BICD1: variants seen among roughly 807,000 people sequenced by gnomAD.
BICD1 encodes the protein protein bicaudal D homolog 1.
BICD1 carries 35 observed loss-of-function variants against 92.5 expected under a neutral mutation model. That is an observed-to-expected ratio of 0.38 (90% CI 0.29 to 0.50). The LOEUF is 0.50. Ranked by LOEUF, BICD1 falls within the 20% of genes least tolerant of loss-of-function variation. BICD1 has a pLI of 0.93. For missense variants in BICD1, 950 were observed against 1,189.8 expected (o/e 0.80, Z 2.97); for synonymous variants, 429 against 465.1 (o/e 0.92, Z 1.00).
rs530528407 is a variant in BICD1 at position 32,239,292 on chromosome 12, C to T, written c.426+22833C>T. Among the ~76,000 whole-genome samples the T allele has an allele frequency of 7.4e-5, 11 of 147,744 alleles. No homozygotes were observed. The East Asian group carries it at 1.0e-3, about 14-fold the overall frequency. On this transcript the variant is annotated intron_variant, in intron 2 of 9. Coordinates refer to ENST00000652176, the MANE Select transcript of BICD1 (RefSeq NM_001714.4). ...AAAAGAAAGGAAATTGTTGGCCGGG[C>T]GCTGTGGCTTACGCCTGTAATCCCA...
chr12:32,300,631 ATTTTTTTTTTTTTTT>A (rs34219566), intron 3 of BICD1, among the ~76,000 whole-genome samples: 14 of 80,594 alleles, frequency 1.7e-4, no homozygotes, highest in Admixed American at 1.6e-3. Context: ...ACTTTACAGT[ATTTTTTTTTTTTTTT>A]TTTTTTTTTT....
intron 1 of BICD1, among the ~76,000 whole-genome samples, chr12:32,192,011 A>G (rs1227667837): frequency 1.3e-5 from 2 of 152,208 alleles, no homozygotes; most frequent in Non-Finnish European, 2.9e-5. Context: ...GAAATGTAGA[A>G]ATGATTAAGC....
intron 2 of BICD1, among the ~76,000 whole-genome samples, chr12:32,234,830 A>G (rs1391747776): frequency 6.6e-6 from 1 of 151,778 alleles, no homozygotes; most frequent in African/African-American, 2.4e-5. Context: ...GACTACAGCC[A>G]TGTGCCATCA....
chr12:32,309,817 A>C (rs890558627), intron 4 of BICD1, among the ~76,000 whole-genome samples: 2 of 152,122 alleles, frequency 1.3e-5, no homozygotes, highest in Non-Finnish European at 2.9e-5. Context: ...TCTAGGGTAC[A>C]TGTGCACAAT....
At chr12:32,289,569 A>G (rs1269131220) in intron 2 of BICD1, among the ~76,000 whole-genome samples, 1 of 152,194 alleles carries the variant, frequency 6.6e-6, no homozygotes, top group Non-Finnish European at 1.5e-5. Flanking sequence ...TATTCTTAGT[A>G]GAGACAGGGT....
intron 5 of BICD1, among the ~76,000 whole-genome samples, chr12:32,329,627 C>T (rs570268229): frequency 6.6e-6 from 1 of 152,240 alleles, no homozygotes; most frequent in South Asian, 2.1e-4. Context: ...ATGAGCTCTA[C>T]CTGTGCTACT....
chr12:32,364,540 T>C (rs1049717047), intron 8 of BICD1, among the ~76,000 whole-genome samples: 8 of 152,260 alleles, frequency 5.3e-5, no homozygotes, highest in African/African-American at 1.9e-4. Context: ...CAGAGCAATG[T>C]AGCTACATTT....
At chr12:32,307,267 A>C (rs761349933) in intron 4 of BICD1, among the ~76,000 whole-genome samples, 2 of 152,222 alleles carry the variant, frequency 1.3e-5, no homozygotes, top group African/African-American at 2.4e-5. Context: ...GAACAGGTAT[A>C]ATCTAAGACC....
chr12:32,137,672 TA>T (rs1942778465), intron 1 of BICD1, among the ~76,000 whole-genome samples: 1 of 152,216 alleles, frequency 6.6e-6, no homozygotes, highest in Non-Finnish European at 1.5e-5. Flanking sequence ...TCAGTTTGAT[TA>T]AATGCCTCCT....
chr12:32,358,315 G>C (rs772997544), intron 8 of BICD1, among the ~76,000 whole-genome samples: 1 of 151,832 alleles, frequency 6.6e-6, no homozygotes, highest in African/African-American at 2.4e-5. Flanking sequence ...TGGCCAGGCT[G>C]GTCTTGAACT....
intron 1 of BICD1, among the ~76,000 whole-genome samples, chr12:32,206,070 T>C (rs1488246880): frequency 6.6e-6 from 1 of 152,204 alleles, no homozygotes; most frequent in Non-Finnish European, 1.5e-5. Flanking sequence ...AGTATTCCAT[T>C]GTATGGATAT....
chr12:32,181,085 TG>T (rs1944259432), intron 1 of BICD1, among the ~76,000 whole-genome samples: 2 of 152,014 alleles, frequency 1.3e-5, no homozygotes, highest in Non-Finnish European at 2.9e-5. Context: ...TTTTGGCATT[TG>T]GAGACATGCA....
intron 2 of BICD1, among the ~76,000 whole-genome samples, chr12:32,264,602 C>T (rs1009894745): frequency 1.2e-4 from 19 of 152,156 alleles, no homozygotes; most frequent in African/African-American, 4.6e-4. Flanking sequence ...ATTCTCCTGC[C>T]TCAGCCTCCC....
At chr12:32,149,267 T>TTTC (rs1433151113) in intron 1 of BICD1, among the ~76,000 whole-genome samples, 26 of 106,756 alleles carry the variant, frequency 2.4e-4, no homozygotes, top group Non-Finnish European at 9.9e-5. Flanking sequence ...CATCAATGAT[T>TTTC]TTCTCTGTGA....
At chr12:32,181,062 AACTT>A (rs1944258980) in intron 1 of BICD1, among the ~76,000 whole-genome samples, 1 of 151,856 alleles carries the variant, frequency 6.6e-6, no homozygotes, top group Non-Finnish European at 1.5e-5. Context: ...ACCAGAAATT[AACTT>A]AAGAATGTTT....
intron 1 of BICD1, among the ~76,000 whole-genome samples, chr12:32,198,725 CT>C (rs1025944672): frequency 5.9e-5 from 9 of 152,000 alleles, no homozygotes; most frequent in African/African-American, 2.2e-4. Context: ...GTTGCTAAAC[CT>C]ATCATCCTCA....
Position 32,328,052 on chromosome 12 carries a change from G to A in BICD1, c.1597G>A (p.Val533Ile). The A allele has an allele frequency of 6.2e-7, 1 of 1,614,118 alleles. No homozygotes were observed. Among genetic ancestry groups the A allele is most frequent in the Non-Finnish European group, 8.5e-7 (1 of 1,180,020 alleles). ...ATGTAATAATGAAACTCCCAACAGG[G>A]TCATGCTGGATTACTATAGGCAGAG... ...CLCNNETPNR[V>I]MLDYYRQSRV... Residue 533 changes from valine (V) to isoleucine (I), a missense_variant, in exon 5 of 10, where the codon GTC (valine) becomes ATC (isoleucine). Coordinates refer to ENST00000652176, the MANE Select transcript of BICD1 (RefSeq NM_001714.4). The surrounding 1 kb of genome is among the most constrained non-coding windows in gnomAD (Gnocchi z 4.4).
At chr12:32,127,166 TG>T (rs752952775) in intron 1 of BICD1, among the ~76,000 whole-genome samples, 1 of 152,216 alleles carries the variant, frequency 6.6e-6, no homozygotes, top group Non-Finnish European at 1.5e-5. Context: ...TTAATTTAGT[TG>T]ATTTATCACT....
intron 1 of BICD1, among the ~76,000 whole-genome samples, chr12:32,138,420 A>T (rs1213529315): frequency 6.6e-6 from 1 of 152,224 alleles, no homozygotes; most frequent in African/African-American, 2.4e-5. Flanking sequence ...TATCAGTATT[A>T]AATAGGAATA....
Sources: allele counts gnomAD v4.1 joint callset (sites outside exome capture counted in the v4.1 genomes callset), GRCh38; gene constraint gnomAD v4.1.1; non-coding constraint Gnocchi (gnomAD v3.1); transcripts MANE v1.5; gene names NCBI Gene and HGNC (gene_info 2026-07-23, HGNC 2026-07-21).